Variants in NTF3 observed in about 807,000 individuals in gnomAD.
NTF3 encodes neurotrophin 3, also known as neurotrophin-3.
Under a neutral mutation model 26.3 loss-of-function variants are expected in NTF3, and 8 were observed. That is an observed-to-expected ratio of 0.30 (90% CI 0.18 to 0.55). The LOEUF (loss-of-function observed/expected upper bound fraction) is 0.55. Among genes scored for constraint, NTF3 ranks in the 20% least tolerant of loss-of-function variants. The probability of loss-of-function intolerance (pLI) is 0.93; values close to 1 mark genes in which losing one functional copy is unlikely to be tolerated. For missense variants in NTF3, 276 were observed against 352.9 expected, an observed-to-expected ratio of 0.78 and a Z score of 1.75; for synonymous variants, 154 against 145.5, an observed-to-expected ratio of 1.06 and a Z score of -0.42.
chr12:5,432,423 G>C, intron 1 of NTF3, 81 bp downstream of exon 1: 1 of 1,519,248 alleles, frequency 6.6e-7, no homozygotes, highest in Non-Finnish European at 9.0e-7. Context: ...CAGTGGACTG[G>C]TGCGGGGGGC....
At chr12:5,435,030 C>G (rs1940149881) in intron 1 of NTF3, among the ~76,000 whole-genome samples, 1 of 152,068 alleles carries the variant, frequency 6.6e-6, no homozygotes, top group Non-Finnish European at 1.5e-5. Context: ...CCTTCCTCCC[C>G]AGAGAGAAGA....
At chr12:5,481,516 AT>A (rs1940796786) in intron 1 of NTF3, among the ~76,000 whole-genome samples, 3 of 32,726 alleles carry the variant, frequency 9.2e-5, no homozygotes, top group Non-Finnish European at 1.4e-4. Context: ...CCACACACAC[AT>A]GCACACACAC....
At position 5,492,689 on chromosome 12, in the gene NTF3, C is replaced by T. The variant is rs189552912; in HGVS notation, c.19-1505C>T. 2.0e-4 allele frequency among the ~76,000 whole-genome samples: 31 copies of T among 152,242 alleles called. No individual in the cohort carries two copies. In the East Asian group the frequency reaches 5.6e-3, roughly 28 times the overall value. On this transcript the variant is annotated intron_variant, in intron 1 of 1. Transcript: ENST00000423158. Reference sequence around the variant, plus strand: ...GTTCCCATGGAAAGAAGATGGTCTCCTTATCACAGCAGCAAGAGGAGGCAG... The same window carrying T: ...GTTCCCATGGAAAGAAGATGGTCTCTTTATCACAGCAGCAAGAGGAGGCAG...
At chr12:5,481,906 C>G (rs1413246152) in intron 1 of NTF3, among the ~76,000 whole-genome samples, 1 of 151,726 alleles carries the variant, frequency 6.6e-6, no homozygotes, top group African/African-American at 2.4e-5. Flanking sequence ...AACACACAGA[C>G]ACACCCACGG....
At chr12:5,483,165 ATC>A (rs1229080584) in intron 1 of NTF3, among the ~76,000 whole-genome samples, 1 of 134,146 alleles carries the variant, frequency 7.5e-6, no homozygotes, top group African/African-American at 2.8e-5. Flanking sequence ...CTGTATCTCT[ATC>A]TCTTTCTCTC....
At chr12:5,464,224 T>C (rs555124405) in intron 1 of NTF3, among the ~76,000 whole-genome samples, 24 of 152,190 alleles carry the variant, frequency 1.6e-4, no homozygotes, top group Non-Finnish European at 3.1e-4. Flanking sequence ...CTGGTTCGTG[T>C]GCTAGACATT....
chr12:5,437,322 A>T (rs532835114), intron 1 of NTF3, among the ~76,000 whole-genome samples: 1 of 152,314 alleles, frequency 6.6e-6, no homozygotes, highest in East Asian at 1.9e-4. Flanking sequence ...AATTAAGTTG[A>T]TTGGAAGAGG....
intron 1 of NTF3, among the ~76,000 whole-genome samples, chr12:5,463,089 C>T (rs145618543): frequency 1.1e-3 from 162 of 152,198 alleles, no homozygotes; most frequent in African/African-American, 3.7e-3. Context: ...GCAGGGCATC[C>T]CAGGGGATGC....
At chr12:5,449,217 G>A (rs1386312802) in intron 1 of NTF3, among the ~76,000 whole-genome samples, 4 of 152,174 alleles carry the variant, frequency 2.6e-5, no homozygotes, top group African/African-American at 7.2e-5. Context: ...GTGGAGTGTC[G>A]AGAGCTTGAC....
intron 1 of NTF3, among the ~76,000 whole-genome samples, chr12:5,439,482 G>T (rs1236735298): frequency 1.3e-5 from 2 of 152,170 alleles, no homozygotes; most frequent in Non-Finnish European, 2.9e-5. Context: ...ACCCCATAGG[G>T]TAACCTGCTC....
intron 1 of NTF3, among the ~76,000 whole-genome samples, chr12:5,490,579 G>A (rs980024134): frequency 2.0e-5 from 3 of 152,074 alleles, no homozygotes; most frequent in African/African-American, 7.2e-5. Context: ...CCCACTGGGG[G>A]ACTCCCACCC....
At chr12:5,462,309 T>G (rs930595084) in intron 1 of NTF3, among the ~76,000 whole-genome samples, 4 of 152,212 alleles carry the variant, frequency 2.6e-5, no homozygotes, top group Non-Finnish European at 4.4e-5. Flanking sequence ...ATCTCTAGTT[T>G]AATGGGAAGA....
intron 1 of NTF3, among the ~76,000 whole-genome samples, chr12:5,493,479 G>A (rs568751250): frequency 6.6e-6 from 1 of 152,332 alleles, no homozygotes; most frequent in Non-Finnish European, 1.5e-5. Flanking sequence ...CTGTGGCAGA[G>A]CTGCGTTTTG....
chr12:5,494,259 C>A lies in NTF3; in HGVS notation c.84C>A (p.Gly28=), dbSNP rs1193960653. 1.2e-6 allele frequency: 2 copies of A among 1,614,010 alleles called. No homozygotes were observed. ...TGATATTTCTCGCTTATCTCCGTGG[C>A]ATCCAAGGTAACAACATGGATCAAA... ...FYVIFLAYLR[G]IQGNNMDQRS... is the part of the protein sequence containing the mutation. Residue 28 remains glycine (G), a synonymous_variant, in exon 2 of 2, where the codon GGC becomes GGA. Coordinates refer to ENST00000423158, the MANE Select transcript of NTF3 (RefSeq NM_001102654.2). The surrounding 1 kb of genome is among the most constrained non-coding windows in gnomAD (Gnocchi z 8.3).
chr12:5,452,698 C>T (rs906544562), intron 1 of NTF3, among the ~76,000 whole-genome samples: 1 of 152,138 alleles, frequency 6.6e-6, no homozygotes, highest in African/African-American at 2.4e-5. Flanking sequence ...CACAGGATAG[C>T]GGAAAGGCAC....
At chr12:5,447,468 T>C (rs1940320250) in intron 1 of NTF3, among the ~76,000 whole-genome samples, 1 of 152,228 alleles carries the variant, frequency 6.6e-6, no homozygotes, top group Non-Finnish European at 1.5e-5. Context: ...TAGGCATCAT[T>C]ACAGCGAAAT....
chr12:5,469,843 G>T (rs905732821), intron 1 of NTF3, among the ~76,000 whole-genome samples: 2 of 151,982 alleles, frequency 1.3e-5, no homozygotes, highest in African/African-American at 4.8e-5. Context: ...TCCCTGTATT[G>T]ATACAAAAAA....
In NTF3 at chr12:5,456,781, G is replaced by A. The variant is rs1461738073; in HGVS notation, c.18+24439G>A. On this transcript the variant is annotated intron_variant, in intron 1 of 1. Transcript: ENST00000423158. The surrounding 1 kb of genome is among the most constrained non-coding windows in gnomAD (Gnocchi z 4.4). ...CTGATATTTGCCAAGATTTTTACCA[G>A]GCTTCCTGGAATAGACAGGGAAGCA... Among the ~76,000 whole-genome samples, 1 of 152,158 alleles carries A rather than the reference G, an allele frequency of 6.6e-6. No individual in the cohort carries two copies. The highest frequency in any genetic ancestry group is 2.4e-5 in the African/African-American group (1 of 41,426).
At position 5,494,014 on chromosome 12, in the gene NTF3, C is replaced by CG. The variant is rs1940970222; in HGVS notation, c.19-175dup. 1 of 613,816 alleles carries CG rather than the reference C, an allele frequency of 1.6e-6. No individual in the cohort carries two copies. The highest frequency in any genetic ancestry group is 1.9e-5 in the African/African-American group (1 of 53,982). 38.0% of individuals were successfully genotyped at this position (613,816 alleles called of 1,614,324 possible). A position where few individuals can be genotyped will look rare whatever the true frequency, so the allele number is the denominator to read the frequency against. ...CCTGGAGTGCATTCGCAGTATCTCC[C>CG]GGGGGTGGGGGAAAGAAATCACCTC... On this transcript the variant is annotated intron_variant, in intron 1 of 1. Transcript: ENST00000423158. The surrounding 1 kb of genome is among the most constrained non-coding windows in gnomAD (Gnocchi z 8.3).
Sources: allele counts gnomAD v4.1 joint callset (sites outside exome capture counted in the v4.1 genomes callset), GRCh38; gene constraint gnomAD v4.1.1; non-coding constraint Gnocchi (gnomAD v3.1); transcripts MANE v1.5; gene names NCBI Gene and HGNC (gene_info 2026-07-23, HGNC 2026-07-21).